The following ZNF276 variants were observed in gnomAD, a reference collection of about 807,000 sequenced individuals.
ZNF276 encodes the protein zinc finger protein 276, also known as centromere protein Z.
In ZNF276, 59 loss-of-function variants were observed where a neutral mutation model predicts 63.9. The ratio of observed to expected loss-of-function variants is 0.92; its 90% CI spans 0.75 to 1.15. The LOEUF is 1.15. ZNF276 is among the 50% of genes most tolerant of loss of function. ZNF276 has a pLI of 0.00. For missense variants in ZNF276, 1,084 were observed against 843.8 expected, an observed-to-expected ratio of 1.28 and a Z score of -3.53; for synonymous variants, 496 against 348.4, an observed-to-expected ratio of 1.42 and a Z score of -4.72.
intron 1 of ZNF276, among the ~76,000 whole-genome samples, chr16:89,722,054 G>A (rs2061304686): frequency 6.6e-6 from 1 of 152,110 alleles, no homozygotes; most frequent in Admixed American, 6.5e-5. Context: ...CGGCCTCCCC[G>A]GCCGCGGGCT....
At chr16:89,731,564 TTAAAG>T (rs1287011020) in intron 6 of ZNF276, 2 of 152,350 alleles carry the variant, frequency 1.3e-5, no homozygotes, top group African/African-American at 4.8e-5. Flanking sequence ...AATGCACTCT[TTAAAG>T]AGAAGGGCAG....
chr16:89,738,402 TG>T lies in ZNF276; in HGVS notation c.*157del. On this transcript the variant is annotated 3_prime_UTR_variant, in exon 11 of 11. Coordinates refer to ENST00000443381, the MANE Select transcript of ZNF276 (RefSeq NM_001113525.2). ...GTGTCCGGCTCAAGTAGCCTTCCTC[TG>T]CTCTGGGACCAGTGGTTTATTTTCC... is the stretch of plus-strand genomic sequence containing the variant. 7.3e-7 allele frequency: 1 copy of T among 1,378,220 alleles called. No homozygotes were observed. The highest frequency in any genetic ancestry group is 9.8e-7 in the Non-Finnish European group (1 of 1,021,566). 85.4% of individuals were successfully genotyped at this position (1,378,220 alleles called of 1,614,324 possible).
At chr16:89,728,799 A>T (rs991071422) in intron 5 of ZNF276, among the ~76,000 whole-genome samples, 4 of 152,148 alleles carry the variant, frequency 2.6e-5, no homozygotes, top group African/African-American at 7.2e-5. Flanking sequence ...ACCCTCCCAA[A>T]GTGCTGGGAT....
chr16:89,739,430 G>T lies in ZNF276; in HGVS notation c.*1184G>T, dbSNP rs1055386152. ...GGGACCCAGAGGTGCTGAGATGGGG[G>T]TCTGGGAAACACTGCCCAGCCCTGA... On this transcript the variant is annotated 3_prime_UTR_variant, in exon 11 of 11. Transcript: ENST00000443381. The T allele has an allele frequency of 4.2e-5, 65 of 1,552,656 alleles. No individual in the cohort carries two copies. Among genetic ancestry groups the T allele is most frequent in the Non-Finnish European group, 5.5e-5 (63 of 1,146,388 alleles).
At chr16:89,720,484 T>TC, upstream of ZNF276, 1 of 1,112,668 alleles carries the variant, frequency 9.0e-7, no homozygotes, top group Non-Finnish European at 1.1e-6. Flanking sequence ...TGGCGGACCC[T>TC]CCTGCTACAT....
rs761934804 is a variant in ZNF276, at chr16:89,739,249, C to T, written c.*1003C>T. The T allele has an allele frequency of 1.2e-6, 2 of 1,614,168 alleles. No homozygotes were observed. Among genetic ancestry groups the T allele is most frequent in the African/African-American group, 1.3e-5 (1 of 75,056 alleles). On this transcript the variant is annotated 3_prime_UTR_variant, in exon 11 of 11. Transcript: ENST00000443381. ...TCCACAGCAACATGCAGGAAGGCCT[C>T]TTCCCTGATGGCCGCGTCTTCATGG...
In ZNF276 at chr16:89,740,885, ACTT is replaced by A. The variant is rs915052126; in HGVS notation, c.*2640_*2642del. ...CCAATAGCTGTAAATAAAAACGTGCACTTATTATTACATTAAAATTACCTGTGC... is the reference window on the plus strand; with the variant it reads ...CCAATAGCTGTAAATAAAAACGTGCAATTATTACATTAAAATTACCTGTGC... On this transcript the variant is annotated 3_prime_UTR_variant, in exon 11 of 11. Coordinates refer to ENST00000443381, the MANE Select transcript of ZNF276 (RefSeq NM_001113525.2). 6 of 1,594,630 alleles carry A rather than the reference ACTT, an allele frequency of 3.8e-6. No individual in the cohort carries two copies. The African/African-American group carries it at 8.1e-5, about 21-fold the overall frequency.
intron 9 of ZNF276, among the ~76,000 whole-genome samples, chr16:89,735,911 GA>G (rs2061858822): frequency 9.4e-6 from 1 of 106,052 alleles, no homozygotes. Flanking sequence ...TTGTTTTTTT[GA>G]CTGAGTCTTG....
chr16:89,729,418 T>A, intron 6 of ZNF276, 100 bp downstream of exon 6: 1 of 1,072,370 alleles, frequency 9.3e-7, no homozygotes, highest in Non-Finnish European at 1.4e-6. Context: ...CAGTTCACTC[T>A]CTCGTGTGCG....
At chr16:89,731,078 TGAG>T (rs957322287) in intron 6 of ZNF276, among the ~76,000 whole-genome samples, 9 of 152,156 alleles carry the variant, frequency 5.9e-5, no homozygotes, top group African/African-American at 1.7e-4. Flanking sequence ...CCTCCTGTGC[TGAG>T]GAGGTGAGTG....
chr16:89,737,531 A>G (rs1392329847), intron 9 of ZNF276: 1 of 472,980 alleles, frequency 2.1e-6, no homozygotes, highest in Non-Finnish European at 3.6e-6. Context: ...AAAAAAAAAA[A>G]AAGACAAGAA....
At chr16:89,725,900 G>A (rs116374647) in intron 4 of ZNF276, among the ~76,000 whole-genome samples, 2,375 of 152,250 alleles carry the variant, frequency 0.016, 80 homozygotes, top group African/African-American at 0.054. Flanking sequence ...TTCTGCCTTG[G>A]CCTCCCAAAA....
Position 89,737,602 on chromosome 16 carries a change from G to A in ZNF276, c.1475-204G>A, listed in dbSNP as rs1240320316. 7 of 938,480 alleles carry A rather than the reference G, an allele frequency of 7.5e-6. No individual in the cohort carries two copies. In the East Asian group the frequency reaches 1.1e-4, roughly 15 times the overall value. The allele number at this position is 938,480 out of a possible 1,614,324, so 58.1% of individuals were successfully genotyped here. On this transcript the variant is annotated intron_variant, in intron 9 of 10. Coordinates refer to ENST00000443381, the MANE Select transcript of ZNF276 (RefSeq NM_001113525.2). ...TAAAAACCATCCTGAAATGCACACA[G>A]CTGATGAAGCCACGTGACAGTGTAT...
intron 6 of ZNF276, among the ~76,000 whole-genome samples, chr16:89,731,099 T>G (rs2061633079): frequency 6.6e-6 from 1 of 152,142 alleles, no homozygotes; most frequent in African/African-American, 2.4e-5. Flanking sequence ...GTGGTCATTG[T>G]GGGAACGGCA....
intron 5 of ZNF276, among the ~76,000 whole-genome samples, chr16:89,727,946 C>T (rs942783482): frequency 2.6e-5 from 4 of 152,222 alleles, no homozygotes; most frequent in African/African-American, 7.2e-5. Context: ...CCACCCCTGC[C>T]TCTGAGCCAA....
In ZNF276 at chr16:89,738,171, G is replaced by A; in HGVS notation, c.1770G>A (p.Glu590=). The A allele has an allele frequency of 6.2e-7, 1 of 1,613,026 alleles. No homozygotes were observed. The highest frequency in any genetic ancestry group is 8.5e-7 in the Non-Finnish European group (1 of 1,179,838). Residue 590 remains glutamate, a synonymous_variant, in exon 11 of 11, where the codon GAG becomes GAA. Transcript: ENST00000443381. ...CCCAGGACAAGGCCCTGCCCCTGGA[G>A]GCGGAACCACCACCTGGGCCACCGA... ...TQTQDKALPL[E]AEPPPGPPSP...
Position 89,723,454 on chromosome 16 carries a change from T to C in ZNF276, c.751T>C (p.Phe251Leu). ...GGATACCAGCTCCAGCTGCAAGGCC[T>C]TCTTGCTGGACAGTGCGCTGGCAGT... ...TMDTSSSCKA[F>L]LLDSALAVKW... Residue 251 changes from phenylalanine (F) to leucine (L), a missense_variant, in exon 4 of 11, where the codon TTC (phenylalanine) becomes CTC (leucine). By Grantham distance (22) the Phe-to-Leu change is conservative. Coordinates refer to ENST00000443381, the MANE Select transcript of ZNF276 (RefSeq NM_001113525.2). 6.2e-7 allele frequency: 1 copy of C among 1,613,046 alleles called. No individual in the cohort carries two copies.
chr16:89,724,950 GTTTA>G lies in ZNF276; in HGVS notation c.1006+1249_1006+1252del, dbSNP rs939569728. Reference sequence around the variant, plus strand: ...TACCTACTTATCTATCTATCTATGTGTTTATTTATTTTTGAGACAGAGTCTCGTT... The same window carrying G: ...TACCTACTTATCTATCTATCTATGTGTTTATTTTTGAGACAGAGTCTCGTT... On this transcript the variant is annotated intron_variant, in intron 4 of 10. Transcript: ENST00000443381. 4.1e-4 allele frequency among the ~76,000 whole-genome samples: 62 copies of G among 152,236 alleles called. 1 individual carries two copies. The highest frequency in any genetic ancestry group is 3.7e-3 in the Admixed American group (56 of 15,282).
At chr16:89,728,490 G>A (rs1233309910) in intron 5 of ZNF276, among the ~76,000 whole-genome samples, 1 of 152,148 alleles carries the variant, frequency 6.6e-6, no homozygotes, top group Non-Finnish European at 1.5e-5. Context: ...TGCAAGCTCT[G>A]CCTCCCGGGT....
Sources: gnomAD v4.1 joint callset for allele counts (sites outside exome capture counted in the v4.1 genomes callset) on GRCh38, gnomAD v4.1.1 for gene constraint, MANE v1.5 for transcripts, NCBI Gene and HGNC (gene_info 2026-07-23, HGNC 2026-07-21) for gene names.